Variants in TRPM3 observed in about 807,000 individuals in gnomAD.
TRPM3 encodes long transient receptor potential channel 3.
Under a neutral mutation model 181.2 loss-of-function variants are expected in TRPM3, and 77 were observed. The observed-to-expected ratio is 0.42, with a 90% CI of 0.35 to 0.51. TRPM3 has a LOEUF of 0.51. Ranked by LOEUF, TRPM3 falls within the 20% of genes least tolerant of loss-of-function variation. The pLI, the probability that TRPM3 is intolerant of heterozygous loss-of-function variation, is 0.01. For missense variants in TRPM3, 1,759 were observed against 2,196.7 expected, an observed-to-expected ratio of 0.80 and a Z score of 3.98; for synonymous variants, 745 against 796.4, an observed-to-expected ratio of 0.94 and a Z score of 1.09.
At chr9:71,040,235 C>T (rs557110671) in intron 1 of TRPM3, among the ~76,000 whole-genome samples, 1 of 152,248 alleles carries the variant, frequency 6.6e-6, no homozygotes, top group South Asian at 2.1e-4. Flanking sequence ...GCAGCTAGAG[C>T]TGGAATTCTT....
At chr9:70,892,936 T>C (rs181945168) in intron 1 of TRPM3, among the ~76,000 whole-genome samples, 8 of 152,276 alleles carry the variant, frequency 5.3e-5, no homozygotes, top group African/African-American at 1.9e-4. Context: ...ACCGGCTATA[T>C]CCACAAATAA....
At chr9:71,322,843 A>C (rs1017882229) in intron 1 of TRPM3, among the ~76,000 whole-genome samples, 1 of 152,132 alleles carries the variant, frequency 6.6e-6, no homozygotes, top group Non-Finnish European at 1.5e-5. Flanking sequence ...AGTTTTTTTA[A>C]AGGCAAACCA....
At chr9:70,742,874 T>G (rs2074417312) in intron 8 of TRPM3, among the ~76,000 whole-genome samples, 1 of 152,152 alleles carries the variant, frequency 6.6e-6, no homozygotes, top group African/African-American at 2.4e-5. Context: ...CAAGTTCCAT[T>G]CCTGGGCTTC....
chr9:71,209,867 A>C (rs779605442), intron 1 of TRPM3, among the ~76,000 whole-genome samples: 109 of 152,234 alleles, frequency 7.2e-4, no homozygotes, highest in Non-Finnish European at 1.6e-4. Context: ...GGCTGCTTTT[A>C]CATTATAATG....
chr9:70,670,061 T>A (rs566258459), intron 9 of TRPM3, among the ~76,000 whole-genome samples: 5 of 152,234 alleles, frequency 3.3e-5, no homozygotes, highest in African/African-American at 1.2e-4. Flanking sequence ...GGGAGGTGAC[T>A]AATGGGAGAA....
intron 1 of TRPM3, among the ~76,000 whole-genome samples, chr9:70,924,839 A>AC (rs1191449436): frequency 6.6e-6 from 1 of 152,122 alleles, no homozygotes; most frequent in Non-Finnish European, 1.5e-5. Flanking sequence ...TACTCACCTT[A>AC]CCCCCAACAA....
At chr9:70,750,090 G>A (rs916797099) in intron 8 of TRPM3, among the ~76,000 whole-genome samples, 3 of 152,150 alleles carry the variant, frequency 2.0e-5, no homozygotes, top group Non-Finnish European at 2.9e-5. Context: ...TCACCAACAC[G>A]CAGCTTAGAC....
At chr9:70,627,761 C>T (rs1038949716) in intron 12 of TRPM3, among the ~76,000 whole-genome samples, 7 of 152,096 alleles carry the variant, frequency 4.6e-5, no homozygotes, top group South Asian at 2.1e-4. Context: ...AGACCCCTTC[C>T]GTCCTTGACC....
chr9:71,358,171 T>C (rs4495497), intron 1 of TRPM3, among the ~76,000 whole-genome samples: 2,053 of 152,306 alleles, frequency 0.013, 42 homozygotes, highest in African/African-American at 0.045. Flanking sequence ...TTTGGCAAAA[T>C]AGTCTGAAAG....
At position 70,640,676 on chromosome 9, in the gene TRPM3, T is replaced by C; in HGVS notation, c.1346-16A>G. ...GCATTGGCTCCTGTGTGAGGACAAGTGGGAGAAAAGAGTGGAAGAGAGAAA... is the reference window on the plus strand; with the variant it reads ...GCATTGGCTCCTGTGTGAGGACAAGCGGGAGAAAAGAGTGGAAGAGAGAAA... On this transcript the variant is annotated splice_polypyrimidine_tract_variant and intron_variant, in intron 9 of 25. Transcript: ENST00000677713. 4 of 1,605,530 alleles carry C rather than the reference T, an allele frequency of 2.5e-6. No individual in the cohort carries two copies. The highest frequency in any genetic ancestry group is 3.4e-6 in the Non-Finnish European group (4 of 1,173,292).
intron 7 of TRPM3, among the ~76,000 whole-genome samples, chr9:70,777,709 G>C (rs997230300): frequency 2.0e-5 from 3 of 151,978 alleles, no homozygotes; most frequent in Non-Finnish European, 4.4e-5. Flanking sequence ...TTATTTGTTA[G>C]TATACTAGTT....
rs189743625 is a variant in TRPM3 at position 70,545,524 on chromosome 9, G to A, written c.3707+4018C>T. Among the ~76,000 whole-genome samples, 28 of 146,562 alleles carry A rather than the reference G, an allele frequency of 1.9e-4. No homozygotes were observed. The South Asian group carries it at 5.2e-3, about 27-fold the overall frequency. On this transcript the variant is annotated intron_variant, in intron 25 of 25. Transcript: ENST00000677713. Reference sequence around the variant, plus strand: ...CACATATGCAAAATATTATTTCAGAGAGAAAAGAATTTTAATTTTCTTTCT... The same window carrying A: ...CACATATGCAAAATATTATTTCAGAAAGAAAAGAATTTTAATTTTCTTTCT...
At chr9:70,958,335 CA>C (rs775296985) in intron 1 of TRPM3, among the ~76,000 whole-genome samples, 8 of 109,606 alleles carry the variant, frequency 7.3e-5, no homozygotes, top group Non-Finnish European at 1.7e-4. Flanking sequence ...ACTATGCTCA[CA>C]GTATTTTTAA....
intron 1 of TRPM3, among the ~76,000 whole-genome samples, chr9:71,133,311 T>TTTTTTTTTTTTTTTTAG (rs55960906): frequency 8.0e-6 from 1 of 125,546 alleles, no homozygotes; most frequent in African/African-American, 2.6e-5. Context: ...TTTTTTTTTT[T>TTTTTTTTTTTTTTTTAG]GAGACAGAGT....
At chr9:70,999,905 G>A (rs2097581402) in intron 1 of TRPM3, among the ~76,000 whole-genome samples, 1 of 152,152 alleles carries the variant, frequency 6.6e-6, no homozygotes, top group East Asian at 1.9e-4. Context: ...GGGAAAGTGT[G>A]CTCTTTTTCT....
chr9:71,156,422 A>C lies in TRPM3; in HGVS notation c.183+290231T>G, dbSNP rs1005501279. Among the ~76,000 whole-genome samples, 8 of 95,034 alleles carry C rather than the reference A, an allele frequency of 8.4e-5. No individual in the cohort carries two copies. In the East Asian group the frequency reaches 1.7e-3, roughly 20 times the overall value. 62.3% of individuals were successfully genotyped at this position (95,034 alleles called of 152,430 possible). A position where few individuals can be genotyped will look rare whatever the true frequency, so the allele number is the denominator to read the frequency against. ...ACACACACACACACACACACACACA[A>C]GGCTTATCACCGTACCTGGTAAATA... On this transcript the variant is annotated intron_variant, in intron 1 of 24. Coordinates refer to the TRPM3 transcript ENST00000357533.
At chr9:70,604,521 G>T (rs543396013) in intron 19 of TRPM3, among the ~76,000 whole-genome samples, 1 of 152,362 alleles carries the variant, frequency 6.6e-6, no homozygotes, top group Non-Finnish European at 1.5e-5. Context: ...AATAGACACA[G>T]TGTGGGTGAA....
At chr9:71,280,078 C>CAA (rs36019274) in intron 1 of TRPM3, among the ~76,000 whole-genome samples, 1,146 of 105,684 alleles carry the variant, frequency 0.011, 14 homozygotes, top group African/African-American at 0.028. Flanking sequence ...AACTCCATCT[C>CAA]AAAAAAAAAA....
chr9:71,076,826 G>A (rs1395858234), intron 1 of TRPM3, among the ~76,000 whole-genome samples: 1 of 152,158 alleles, frequency 6.6e-6, no homozygotes, highest in East Asian at 1.9e-4. Flanking sequence ...GTGTGATTGA[G>A]AATCACTCAC....
Sources: allele counts gnomAD v4.1 joint callset (sites outside exome capture counted in the v4.1 genomes callset), GRCh38; gene constraint gnomAD v4.1.1; transcripts MANE v1.5; gene names NCBI Gene and HGNC (gene_info 2026-07-23, HGNC 2026-07-21).